Variants in RBFOX1 observed in about 807,000 individuals in gnomAD.
RBFOX1 encodes RNA binding protein fox-1 homolog 1.
Under a neutral mutation model 57.7 loss-of-function variants are expected in RBFOX1, and 8 were observed. That is an observed-to-expected ratio of 0.14 (90% CI 0.08 to 0.25). The LOEUF is 0.25. Among genes scored for constraint, RBFOX1 ranks in the 10% least tolerant of loss-of-function variants. RBFOX1 has a pLI of 1.00. For missense variants in RBFOX1, 611 were observed against 548.5 expected, an observed-to-expected ratio of 1.11 and a Z score of -1.14; for synonymous variants, 326 against 222.4, an observed-to-expected ratio of 1.47 and a Z score of -4.15.
intron 3 of RBFOX1, among the ~76,000 whole-genome samples, chr16:6,655,912 A>T (rs2098647554): frequency 6.6e-6 from 1 of 152,222 alleles, no homozygotes; most frequent in South Asian, 2.1e-4. Context: ...ATTTGCTTTT[A>T]AATAAAAAGC....
chr16:5,412,695 G>A (rs1194489564), intron 1 of RBFOX1, among the ~76,000 whole-genome samples: 4 of 152,146 alleles, frequency 2.6e-5, no homozygotes, highest in African/African-American at 9.7e-5. Flanking sequence ...TTTATTTCTC[G>A]TAACATTCCT....
At chr16:6,375,504 G>T (rs2091053466) in intron 2 of RBFOX1, among the ~76,000 whole-genome samples, 2 of 151,940 alleles carry the variant, frequency 1.3e-5, no homozygotes, top group Non-Finnish European at 1.5e-5. Context: ...TCGTTTCTGG[G>T]CAGGGGGAAA....
chr16:7,039,971 C>T (rs1040837859), intron 3 of RBFOX1, among the ~76,000 whole-genome samples: 5 of 151,864 alleles, frequency 3.3e-5, no homozygotes, highest in East Asian at 1.9e-4. Context: ...AGCCACCCTA[C>T]ATTTACTCTT....
chr16:5,512,338 G>T (rs1254642902), intron 2 of RBFOX1, among the ~76,000 whole-genome samples: 1 of 152,130 alleles, frequency 6.6e-6, no homozygotes, highest in Non-Finnish European at 1.5e-5. Context: ...CTGCCCAAAT[G>T]TATTGCAATC....
intron 2 of RBFOX1, among the ~76,000 whole-genome samples, chr16:6,395,612 T>G (rs1327829325): frequency 1.3e-5 from 2 of 152,118 alleles, no homozygotes. Context: ...TACTACAGAT[T>G]CATAACATTT....
chr16:7,511,012 G>A (rs745490580), intron 4 of RBFOX1, among the ~76,000 whole-genome samples: 4 of 152,192 alleles, frequency 2.6e-5, no homozygotes, highest in Non-Finnish European at 4.4e-5. Flanking sequence ...GTGTGCTCAA[G>A]AAGTTTGACT....
At chr16:7,420,005 A>G (rs2098525120) in intron 4 of RBFOX1, among the ~76,000 whole-genome samples, 2 of 149,992 alleles carry the variant, frequency 1.3e-5, no homozygotes, top group African/African-American at 5.0e-5. Context: ...GAAACTGGGA[A>G]GAGAATGAAA....
At chr16:7,621,179 C>T (rs1357904502) in intron 10 of RBFOX1, among the ~76,000 whole-genome samples, 5 of 152,150 alleles carry the variant, frequency 3.3e-5, no homozygotes, top group Non-Finnish European at 7.3e-5. Context: ...GGACAAACAT[C>T]TTGCAAGATA....
intron 1 of RBFOX1, among the ~76,000 whole-genome samples, chr16:6,089,253 T>C (rs1467972415): frequency 1.3e-5 from 2 of 151,980 alleles, no homozygotes; most frequent in Non-Finnish European, 2.9e-5. Flanking sequence ...TAGCAGGATA[T>C]TGAGGGAAGC....
At chr16:7,096,756 A>G (rs1293283965) in intron 4 of RBFOX1, among the ~76,000 whole-genome samples, 2 of 151,922 alleles carry the variant, frequency 1.3e-5, no homozygotes, top group African/African-American at 4.8e-5. Flanking sequence ...ACATGGTGAA[A>G]ATCTATCTCT....
intron 1 of RBFOX1, among the ~76,000 whole-genome samples, chr16:6,166,090 A>G (rs1347592291): frequency 6.6e-6 from 1 of 152,074 alleles, no homozygotes; most frequent in Non-Finnish European, 1.5e-5. Context: ...TTCTCTTCCT[A>G]CTCGAATTGG....
At position 5,455,503 on chromosome 16, in the gene RBFOX1, C is replaced by G. The variant is rs562766022; in HGVS notation, c.220-11713C>G. On this transcript the variant is annotated intron_variant, in intron 1 of 2. Coordinates refer to the RBFOX1 transcript ENST00000585867. ...TAGGGTCTTGTTTTCAAAACCACCC[C>G]AAGGAGGCCTTGGAGAATATTTGAG... is the stretch of plus-strand genomic sequence containing the variant. Among the ~76,000 whole-genome samples, 7 of 152,264 alleles carry G rather than the reference C, an allele frequency of 4.6e-5. No individual in the cohort carries two copies. The East Asian group carries it at 1.4e-3, about 29-fold the overall frequency.
chr16:6,141,061 T>A (rs9928388), intron 1 of RBFOX1, among the ~76,000 whole-genome samples: 15,779 of 152,128 alleles, frequency 0.1, 1,379 homozygotes, highest in African/African-American at 0.23. Flanking sequence ...GTCATTTTCA[T>A]CCTCTTAATT....
At chr16:6,604,396 T>A (rs551874023) in intron 2 of RBFOX1, among the ~76,000 whole-genome samples, 11 of 152,328 alleles carry the variant, frequency 7.2e-5, no homozygotes, top group African/African-American at 2.6e-4. Flanking sequence ...AAGCAGGACT[T>A]ACAGTCTTGC....
chr16:6,835,233 A>G (rs2093005669), intron 3 of RBFOX1, among the ~76,000 whole-genome samples: 1 of 152,074 alleles, frequency 6.6e-6, no homozygotes, highest in South Asian at 2.1e-4. Flanking sequence ...TGGCTCCGTT[A>G]GTGAGCGCTG....
At chr16:5,296,661 A>G (rs1163855421) in intron 1 of RBFOX1, among the ~76,000 whole-genome samples, 1 of 134,388 alleles carries the variant, frequency 7.4e-6, no homozygotes, top group Non-Finnish European at 1.6e-5. Context: ...GCCAACCACC[A>G]TTTTTTTTTC....
chr16:5,324,702 A>G (rs2064513923), intron 1 of RBFOX1, among the ~76,000 whole-genome samples: 1 of 152,180 alleles, frequency 6.6e-6, no homozygotes, highest in African/African-American at 2.4e-5. Flanking sequence ...AAACTAACAC[A>G]AGAATAGAAA....
intron 1 of RBFOX1, among the ~76,000 whole-genome samples, chr16:5,426,645 G>A (rs2067569494): frequency 6.6e-6 from 1 of 152,168 alleles, no homozygotes. Context: ...TTACCAGCCT[G>A]TTTCCTACTA....
At chr16:5,309,941 C>T (rs182946977) in intron 1 of RBFOX1, among the ~76,000 whole-genome samples, 1 of 152,252 alleles carries the variant, frequency 6.6e-6, no homozygotes, top group Admixed American at 6.5e-5. Flanking sequence ...TTTTCTGGTC[C>T]TTTGATTTAG....
Sources: allele counts gnomAD v4.1 joint callset (sites outside exome capture counted in the v4.1 genomes callset), GRCh38; gene constraint gnomAD v4.1.1; transcripts MANE v1.5; gene names NCBI Gene and HGNC (gene_info 2026-07-23, HGNC 2026-07-21).